NELL1: variants seen among roughly 807,000 people sequenced by gnomAD.
The protein encoded by NELL1 is protein kinase C-binding protein NELL1.
A neutral mutation model predicts 107.4 loss-of-function variants in NELL1; 76 were observed. That is an observed-to-expected ratio of 0.71 (90% confidence interval 0.59 to 0.86). NELL1 has a LOEUF of 0.86. Ranked by LOEUF, NELL1 falls within the 40% of genes least tolerant of loss-of-function variation. The pLI is 0.00. For missense variants in NELL1, 1,024 were observed against 1,005.5 expected (o/e 1.02, Z -0.25); for synonymous variants, 353 against 341.2 (o/e 1.03, Z -0.38).
intron 5 of NELL1, among the ~76,000 whole-genome samples, chr11:20,892,515 G>A (rs1192554523): frequency 6.6e-6 from 1 of 152,230 alleles, no homozygotes; most frequent in African/African-American, 2.4e-5. Flanking sequence ...CATTGTGGAC[G>A]ATAGTATGGT....
intron 13 of NELL1, among the ~76,000 whole-genome samples, chr11:21,115,552 A>G (rs1230733083): frequency 1.3e-5 from 2 of 150,492 alleles, no homozygotes; most frequent in Non-Finnish European, 2.9e-5. Flanking sequence ...TTAAGAGAAG[A>G]AATATTTTAT....
intron 2 of NELL1, among the ~76,000 whole-genome samples, chr11:20,762,490 A>G (rs1856443181): frequency 6.6e-6 from 1 of 152,238 alleles, no homozygotes. Flanking sequence ...CATAAAAAAG[A>G]TAAAATAGTT....
rs143775972 is a variant in NELL1 at position 21,298,040 on chromosome 11, T to C, written c.1549+68586T>C. ...CATTTTTTATTTTGTACCCTATAAT[T>C]ATTGTTGAACTCATTTTACCCCAAA... On this transcript the variant is annotated intron_variant, in intron 14 of 19. Coordinates refer to ENST00000357134, the MANE Select transcript of NELL1 (RefSeq NM_006157.5). 1.9e-3 allele frequency among the ~76,000 whole-genome samples: 288 copies of C among 152,116 alleles called. 1 individual carries two copies. The highest frequency in any genetic ancestry group is 6.7e-3 in the African/African-American group (279 of 41,528).
chr11:21,512,031 T>C (rs1363873622), intron 15 of NELL1, among the ~76,000 whole-genome samples: 1 of 152,182 alleles, frequency 6.6e-6, no homozygotes, highest in Non-Finnish European at 1.5e-5. Flanking sequence ...GCTGCCTATT[T>C]GGTGCCACCT....
At chr11:21,365,013 G>C (rs771570428) in intron 14 of NELL1, among the ~76,000 whole-genome samples, 1 of 152,066 alleles carries the variant, frequency 6.6e-6, no homozygotes, top group Non-Finnish European at 1.5e-5. Flanking sequence ...ACTTCACCTG[G>C]CAAAAAGCCC....
intron 14 of NELL1, among the ~76,000 whole-genome samples, chr11:21,250,714 C>A (rs1242578053): frequency 1.3e-5 from 2 of 152,254 alleles, no homozygotes; most frequent in Middle Eastern, 3.4e-3. Flanking sequence ...CTTGACATTG[C>A]AGATTATAAA....
chr11:21,521,093 T>A (rs1398885448), intron 15 of NELL1, among the ~76,000 whole-genome samples: 1 of 152,240 alleles, frequency 6.6e-6, no homozygotes, highest in African/African-American at 2.4e-5. Flanking sequence ...GATCTAAAGT[T>A]ATGGCTTTAT....
At chr11:20,685,621 G>T (rs1854289107) in intron 2 of NELL1, among the ~76,000 whole-genome samples, 1 of 152,124 alleles carries the variant, frequency 6.6e-6, no homozygotes, top group Non-Finnish European at 1.5e-5. Flanking sequence ...TATGGTTGTA[G>T]TGAGGGTGAA....
chr11:20,669,809 C>G lies in NELL1; in HGVS notation c.55+31C>G. The G allele has an allele frequency of 6.3e-7, 1 of 1,595,216 alleles. No homozygotes were observed. Among genetic ancestry groups the G allele is most frequent in the Non-Finnish European group, 8.6e-7 (1 of 1,163,326 alleles). ...CATGACTGTGGCGGTTAGAGGGATC[C>G]GGGAAATGGGGGTGCCCACAGACCA... On this transcript the variant is annotated intron_variant, in intron 1 of 19. Transcript: ENST00000357134. The surrounding 1 kb of genome is among the most constrained non-coding windows in gnomAD (Gnocchi z 4.4).
intron 14 of NELL1, among the ~76,000 whole-genome samples, chr11:21,362,100 T>A (rs998016597): frequency 3.3e-5 from 5 of 152,210 alleles, no homozygotes; most frequent in Non-Finnish European, 7.3e-5. Context: ...TTTTCTTTTT[T>A]TGTTTTTTCA....
rs111799854 is a variant in NELL1 at position 20,801,491 on chromosome 11, G to T, written c.335+17661G>T. ...CTGGTTATTCATCCTTTGTCAGATG[G>T]GTAGTTTGCAAATATTTTCTCCCTT... On this transcript the variant is annotated intron_variant, in intron 3 of 19. Coordinates refer to ENST00000357134, the MANE Select transcript of NELL1 (RefSeq NM_006157.5). Among the ~76,000 whole-genome samples, 280 of 152,182 alleles carry T rather than the reference G, an allele frequency of 1.8e-3. 2 individuals carry two copies. Among genetic ancestry groups the T allele is most frequent in the African/African-American group, 6.6e-3 (275 of 41,508 alleles).
chr11:20,975,955 AT>A (rs201707063), intron 12 of NELL1, among the ~76,000 whole-genome samples: 6 of 132,328 alleles, frequency 4.5e-5, no homozygotes, highest in Admixed American at 1.5e-4. Context: ...ATATATGTAC[AT>A]TATATATACA....
chr11:21,356,803 C>T (rs544345795), intron 14 of NELL1, among the ~76,000 whole-genome samples: 15 of 152,132 alleles, frequency 9.9e-5, no homozygotes, highest in African/African-American at 2.7e-4. Context: ...TCCCTTGAAC[C>T]GCTCCCTCCT....
At chr11:21,112,997 T>C in intron 12 of NELL1, among the ~76,000 whole-genome samples, 1 of 152,132 alleles carries the variant, frequency 6.6e-6, no homozygotes, top group South Asian at 2.1e-4. Flanking sequence ...AGAACAAGAC[T>C]TTTTGTTGAA....
intron 5 of NELL1, among the ~76,000 whole-genome samples, chr11:20,911,143 A>G (rs1016587253): frequency 1.3e-5 from 2 of 152,258 alleles, no homozygotes; most frequent in Admixed American, 6.5e-5. Flanking sequence ...CTGTAGATAT[A>G]AAGAACTTTG....
chr11:20,931,508 C>A (rs574063578), intron 9 of NELL1, among the ~76,000 whole-genome samples: 1 of 152,080 alleles, frequency 6.6e-6, no homozygotes, highest in East Asian at 1.9e-4. Context: ...TACCACAGTG[C>A]CTACGTATTT....
At chr11:20,755,534 G>GTTTTTTTTTTTTTTATTT (rs1364309032) in intron 2 of NELL1, among the ~76,000 whole-genome samples, 4 of 90,282 alleles carry the variant, frequency 4.4e-5, no homozygotes, top group African/African-American at 1.0e-4. Flanking sequence ...ACCTGTGTGG[G>GTTTTTTTTTTTTTTATTT]TTTTTGTTTT....
chr11:21,009,588 T>C (rs1269695621), intron 12 of NELL1, among the ~76,000 whole-genome samples: 1 of 151,888 alleles, frequency 6.6e-6, no homozygotes, highest in Non-Finnish European at 1.5e-5. Flanking sequence ...CTACCCAGGG[T>C]CTGTGTCTTG....
intron 15 of NELL1, among the ~76,000 whole-genome samples, chr11:21,405,517 G>A (rs1223480025): frequency 6.6e-6 from 1 of 151,984 alleles, no homozygotes; most frequent in East Asian, 1.9e-4. Flanking sequence ...GTTAATACGA[G>A]AAATCAGATT....
Sources: allele counts gnomAD v4.1 joint callset (sites outside exome capture counted in the v4.1 genomes callset), GRCh38; gene constraint gnomAD v4.1.1; non-coding constraint Gnocchi (gnomAD v3.1); transcripts MANE v1.5; gene names NCBI Gene and HGNC (gene_info 2026-07-23, HGNC 2026-07-21).